C12orf42: variants seen among roughly 807,000 people sequenced by gnomAD.
The protein encoded by C12orf42 is uncharacterized protein C12orf42.
Under a neutral mutation model 21.6 loss-of-function variants are expected in C12orf42, and 25 were observed. That is an observed-to-expected ratio of 1.16 (90% CI 0.84 to 1.62). The LOEUF (loss-of-function observed/expected upper bound fraction) is 1.62, where lower values mean the gene tolerates loss of function less well. Ranked by LOEUF, C12orf42 falls within the 40% of genes most tolerant of loss-of-function variation. The probability of loss-of-function intolerance (pLI) is 0.00; values close to 1 mark genes in which losing one functional copy is unlikely to be tolerated. For missense variants in C12orf42, 483 were observed against 459.3 expected, an observed-to-expected ratio of 1.05 and a Z score of -0.47; for synonymous variants, 174 against 175.0, an observed-to-expected ratio of 0.99 and a Z score of 0.05.
At chr12:103,450,535 G>C (rs1026261557) in intron 2 of C12orf42, among the ~76,000 whole-genome samples, 2 of 152,108 alleles carry the variant, frequency 1.3e-5, no homozygotes, top group Admixed American at 1.3e-4. Flanking sequence ...TGAAGGGGCA[G>C]TGCATCAGTT....
chr12:103,511,460 T>C, the C12orf42 span, among the ~76,000 whole-genome samples: 1 of 151,986 alleles, frequency 6.6e-6, no homozygotes, highest in Non-Finnish European at 1.5e-5. Flanking sequence ...TGTCTATTCA[T>C]ATGAAATTGA....
chr12:103,159,548 A>G, the C12orf42 span: 1 of 152,184 alleles, frequency 6.6e-6, no homozygotes, highest in Non-Finnish European at 1.5e-5. Context: ...TACTTGCAGA[A>G]TCACTGGTTT....
chr12:103,305,931 C>T, intron 5 of C12orf42, 43 bp downstream of exon 5: 1 of 1,550,400 alleles, frequency 6.4e-7, no homozygotes, highest in Non-Finnish European at 8.7e-7. Context: ...AAAATGTGAC[C>T]AGTTGAAACA....
At chr12:103,376,029 A>G (rs2045660066) in intron 3 of C12orf42, among the ~76,000 whole-genome samples, 1 of 152,216 alleles carries the variant, frequency 6.6e-6, no homozygotes, top group Non-Finnish European at 1.5e-5. Context: ...TCAATTGGCC[A>G]TATATTGCCT....
chr12:103,411,954 AAT>A (rs1348063484), intron 2 of C12orf42, among the ~76,000 whole-genome samples: 1 of 152,188 alleles, frequency 6.6e-6, no homozygotes, highest in Non-Finnish European at 1.5e-5. Flanking sequence ...TTCTACTCTA[AAT>A]ATGTTATAGA....
the C12orf42 span, among the ~76,000 whole-genome samples, chr12:103,118,664 G>C: frequency 1.3e-5 from 2 of 151,438 alleles, no homozygotes; most frequent in Admixed American, 6.6e-5. Flanking sequence ...CAGGCGTGGT[G>C]GTGGGCGCCT....
chr12:103,430,295 G>A (rs1036516043), intron 2 of C12orf42, among the ~76,000 whole-genome samples: 1 of 152,148 alleles, frequency 6.6e-6, no homozygotes, highest in Non-Finnish European at 1.5e-5. Context: ...ATCAAAAAGT[G>A]GGCAAAGGAT....
the C12orf42 span, among the ~76,000 whole-genome samples, chr12:103,050,144 CA>C: frequency 1.3e-5 from 2 of 152,010 alleles, no homozygotes; most frequent in Admixed American, 6.6e-5. Flanking sequence ...ATAAGCAAAA[CA>C]ATGACTACCA....
chr12:103,203,390 G>C, the C12orf42 span, among the ~76,000 whole-genome samples: 1 of 152,096 alleles, frequency 6.6e-6, no homozygotes, highest in Non-Finnish European at 1.5e-5. Flanking sequence ...ATGTTTACTG[G>C]ACCCAGGCAA....
the C12orf42 span, among the ~76,000 whole-genome samples, chr12:103,200,569 C>T: frequency 3.3e-5 from 5 of 152,166 alleles, no homozygotes; most frequent in East Asian, 1.9e-4. Context: ...GTGATGGCTT[C>T]GCAGGTGTGT....
intron 2 of C12orf42, among the ~76,000 whole-genome samples, chr12:103,428,097 T>TAGC (rs1949984964): frequency 6.6e-6 from 1 of 151,486 alleles, no homozygotes; most frequent in Admixed American, 6.6e-5. Context: ...ATTCAAAAGC[T>TAGC]AGAAGAAGAA....
chr12:103,160,731 G>A, the C12orf42 span, among the ~76,000 whole-genome samples: 1 of 152,190 alleles, frequency 6.6e-6, no homozygotes, highest in Non-Finnish European at 1.5e-5. Context: ...CTTCACAGAT[G>A]ATTTCCATGC....
intron 1 of C12orf42, among the ~76,000 whole-genome samples, chr12:103,492,670 G>C (rs767742674): frequency 6.6e-6 from 1 of 152,062 alleles, no homozygotes; most frequent in African/African-American, 2.4e-5. Context: ...AATCTTACCA[G>C]CCCAGCTCAT....
the C12orf42 span, among the ~76,000 whole-genome samples, chr12:103,068,042 T>C: frequency 1.3e-5 from 2 of 152,106 alleles, no homozygotes; most frequent in Non-Finnish European, 2.9e-5. Flanking sequence ...TTTGTGTCAC[T>C]CCACCAGCAA....
At chr12:103,211,131 C>G in the C12orf42 span, among the ~76,000 whole-genome samples, 22 of 152,224 alleles carry the variant, frequency 1.4e-4, no homozygotes, top group Non-Finnish European at 2.1e-4. Context: ...TGGGTTTTCT[C>G]TCTTGCTTTT....
intron 2 of C12orf42, among the ~76,000 whole-genome samples, chr12:103,455,082 C>T (rs912547568): frequency 2.0e-5 from 3 of 152,108 alleles, no homozygotes; most frequent in African/African-American, 7.2e-5. Flanking sequence ...AGTAGCATAC[C>T]TGATAACATG....
chr12:103,505,333 T>C, the C12orf42 span: 1 of 272,762 alleles, frequency 3.7e-6, no homozygotes, highest in Non-Finnish European at 7.1e-6. Context: ...GTTAGTGCCT[T>C]ATGCTGGACA....
chr12:103,191,228 C>T, the C12orf42 span, among the ~76,000 whole-genome samples: 1 of 152,054 alleles, frequency 6.6e-6, no homozygotes, highest in Non-Finnish European at 1.5e-5. Context: ...AGTCCATCAT[C>T]ACTAGATCTG....
At chr12:103,521,992 G>T in the C12orf42 span, among the ~76,000 whole-genome samples, 3 of 152,160 alleles carry the variant, frequency 2.0e-5, no homozygotes, top group African/African-American at 7.2e-5. Context: ...CCCCTCAGTT[G>T]TGCTGTCTCC....
Sources: allele counts gnomAD v4.1 joint callset (sites outside exome capture counted in the v4.1 genomes callset), GRCh38; gene constraint gnomAD v4.1.1; transcripts MANE v1.5; gene names NCBI Gene and HGNC (gene_info 2026-07-23, HGNC 2026-07-21).